Variants in HIKESHI observed in about 807,000 individuals in gnomAD.
HIKESHI encodes heat shock protein nuclear import factor hikeshi.
A neutral mutation model predicts 25.7 loss-of-function variants in HIKESHI; 13 were observed. The ratio of observed to expected loss-of-function variants is 0.51; its 90% CI spans 0.33 to 0.80. The LOEUF is 0.80. HIKESHI is among the 30% of genes least tolerant of loss of function. HIKESHI has a pLI of 0.02. For synonymous variants in HIKESHI, 76 were observed against 78.7 expected, an observed-to-expected ratio of 0.97 and a Z score of 0.18; for missense variants, 174 against 229.5, an observed-to-expected ratio of 0.76 and a Z score of 1.56.
At chr11:86,342,203 A>G (rs548663158) in intron 3 of HIKESHI, among the ~76,000 whole-genome samples, 5 of 152,148 alleles carry the variant, frequency 3.3e-5, no homozygotes, top group Non-Finnish European at 5.9e-5. Flanking sequence ...TTTCTGTTGT[A>G]TTGCTTTTGG....
chr11:86,337,089 T>C (rs1947584362), intron 2 of HIKESHI, among the ~76,000 whole-genome samples: 1 of 152,204 alleles, frequency 6.6e-6, no homozygotes, highest in Non-Finnish European at 1.5e-5. Flanking sequence ...TCTTCTCTAT[T>C]AATTATTTAT....
intron 2 of HIKESHI, among the ~76,000 whole-genome samples, chr11:86,311,415 A>G (rs964727372): frequency 6.6e-6 from 1 of 152,000 alleles, no homozygotes; most frequent in Non-Finnish European, 1.5e-5. Flanking sequence ...TATCCCCTTT[A>G]TCATTTTTTA....
chr11:86,307,050 A>G (rs934971326), intron 2 of HIKESHI, among the ~76,000 whole-genome samples: 6 of 142,588 alleles, frequency 4.2e-5, no homozygotes, highest in African/African-American at 7.7e-5. Flanking sequence ...TTATGTATCA[A>G]ATATATATTA....
At chr11:86,336,273 A>G (rs1593865902) in intron 2 of HIKESHI, among the ~76,000 whole-genome samples, 1 of 152,248 alleles carries the variant, frequency 6.6e-6, no homozygotes, top group East Asian at 1.9e-4. Context: ...TGAGAGTAAC[A>G]TATGGAAAGG....
At chr11:86,319,362 C>G (rs990894213) in intron 2 of HIKESHI, among the ~76,000 whole-genome samples, 1 of 150,474 alleles carries the variant, frequency 6.6e-6, no homozygotes, top group Non-Finnish European at 1.5e-5. Flanking sequence ...CTCAGCCTCC[C>G]GAGGAGCTAG....
At chr11:86,316,427 G>A (rs1307996248) in intron 2 of HIKESHI, among the ~76,000 whole-genome samples, 4 of 152,066 alleles carry the variant, frequency 2.6e-5, no homozygotes, top group East Asian at 1.9e-4. Context: ...CAGGAGAACC[G>A]CTTGAACTCG....
At chr11:86,318,431 T>C (rs1195340930) in intron 2 of HIKESHI, among the ~76,000 whole-genome samples, 1 of 151,818 alleles carries the variant, frequency 6.6e-6, no homozygotes, top group Non-Finnish European at 1.5e-5. Context: ...AAAGTTCTAC[T>C]ATACCTTTAA....
chr11:86,342,527 T>TG (rs1333135782), intron 3 of HIKESHI, among the ~76,000 whole-genome samples: 2 of 143,958 alleles, frequency 1.4e-5, no homozygotes, highest in African/African-American at 2.5e-5. Context: ...GTGTGTAGAC[T>TG]GGGGGTCTCG....
chr11:86,329,818 T>C (rs1199623852), intron 2 of HIKESHI, among the ~76,000 whole-genome samples: 1 of 152,128 alleles, frequency 6.6e-6, no homozygotes, highest in Non-Finnish European at 1.5e-5. Context: ...TTCTCCAGCT[T>C]TCTTATAGTG....
At position 86,332,827 on chromosome 11, in the gene HIKESHI, C is replaced by T. The variant is rs147459753; in HGVS notation, c.269-4552C>T. On this transcript the variant is annotated intron_variant, in intron 2 of 4. Transcript: ENST00000278483. ...AACCATTCTTAGCTCCCACGTCATA[C>T]AAAATAGGTTGTGGGACCGATTTGG... 2.5e-4 allele frequency among the ~76,000 whole-genome samples: 38 copies of T among 152,298 alleles called. 1 individual carries two copies. In the East Asian group the frequency reaches 7.3e-3, roughly 29 times the overall value.
At chr11:86,316,094 A>G (rs1329986463) in intron 2 of HIKESHI, among the ~76,000 whole-genome samples, 1 of 148,198 alleles carries the variant, frequency 6.7e-6, no homozygotes, top group Admixed American at 6.8e-5. Context: ...AGATTGGGCA[A>G]CATAGCAAGA....
chr11:86,322,292 G>A (rs1158604322), intron 2 of HIKESHI, among the ~76,000 whole-genome samples: 1 of 151,900 alleles, frequency 6.6e-6, no homozygotes, highest in African/African-American at 2.4e-5. Context: ...CGGCCTCCGA[G>A]CATTTTTTAA....
chr11:86,344,974 T>C (rs1221654215), intron 4 of HIKESHI: 3 of 543,558 alleles, frequency 5.5e-6, no homozygotes, highest in Non-Finnish European at 8.7e-6. Context: ...GGACCACTAT[T>C]AAAGCTTATA....
intron 2 of HIKESHI, among the ~76,000 whole-genome samples, chr11:86,335,757 A>G (rs1384057345): frequency 2.0e-5 from 3 of 152,242 alleles, no homozygotes; most frequent in Non-Finnish European, 4.4e-5. Context: ...TAGTTCAGAT[A>G]AGTCATTAAA....
chr11:86,329,189 T>TA (rs5793197), intron 2 of HIKESHI, among the ~76,000 whole-genome samples: 15,471 of 147,396 alleles, frequency 0.1, 1,142 homozygotes, highest in African/African-American at 0.21. Flanking sequence ...CGTGATGAGT[T>TA]AAAAAAAAAA....
chr11:86,336,471 AT>A (rs1466324971), intron 2 of HIKESHI, among the ~76,000 whole-genome samples: 1 of 152,140 alleles, frequency 6.6e-6, no homozygotes, highest in Non-Finnish European at 1.5e-5. Flanking sequence ...TAATAAGAAG[AT>A]CACTTGCCCT....
intron 3 of HIKESHI, among the ~76,000 whole-genome samples, chr11:86,343,308 ATT>A (rs138106599): frequency 0.62 from 91,275 of 146,790 alleles, 28,209 homozygotes; most frequent in East Asian, 0.79. Context: ...ACTGCTGTTG[ATT>A]TTTTTTTTTT....
intron 3 of HIKESHI, among the ~76,000 whole-genome samples, chr11:86,338,500 T>G (rs897037818): frequency 6.6e-6 from 1 of 152,200 alleles, no homozygotes; most frequent in Non-Finnish European, 1.5e-5. Context: ...TTCTTCTTGC[T>G]TAGTGAAATA....
chr11:86,330,276 G>A (rs1475608020), intron 2 of HIKESHI, among the ~76,000 whole-genome samples: 1 of 152,118 alleles, frequency 6.6e-6, no homozygotes, highest in East Asian at 1.9e-4. Flanking sequence ...TCAACTACAA[G>A]CAAGTTTTCC....
Sources: gnomAD v4.1 joint callset for allele counts (sites outside exome capture counted in the v4.1 genomes callset) on GRCh38, gnomAD v4.1.1 for gene constraint, MANE v1.5 for transcripts, NCBI Gene and HGNC (gene_info 2026-07-23, HGNC 2026-07-21) for gene names.